The following RABGEF1 variants were observed in gnomAD, a reference collection of about 807,000 sequenced individuals.
RABGEF1 encodes RAB guanine nucleotide exchange factor 1.
RABGEF1 carries 26 observed loss-of-function variants against 57.3 expected under a neutral mutation model. That is an observed-to-expected ratio of 0.45 (90% CI 0.33 to 0.63). RABGEF1 has a LOEUF of 0.63. Ranked by LOEUF, RABGEF1 falls within the 20% of genes least tolerant of loss-of-function variation. RABGEF1 has a pLI of 0.02. For missense variants in RABGEF1, 464 were observed against 607.6 expected (o/e 0.76, Z 2.48); for synonymous variants, 185 against 210.7 (o/e 0.88, Z 1.06).
chr7:66,773,908 C>T lies in RABGEF1; in HGVS notation c.180-1319C>T, dbSNP rs538014215. The T allele has an allele frequency of 1.1e-3, 465 of 413,788 alleles. 4 individuals carry two copies. The highest frequency in any genetic ancestry group is 5.4e-4 in the Non-Finnish European group (113 of 207,630). 25.6% of individuals were successfully genotyped at this position (413,788 alleles called of 1,614,324 possible). ...CTCAAATTCCTGAGCTCAAGTGATC[C>T]GGCCGCCTTGGCCTCCCAGTGTGCT... On this transcript the variant is annotated intron_variant, in intron 2 of 8. Coordinates refer to ENST00000284957, the MANE Select transcript of RABGEF1 (RefSeq NM_014504.3).
At chr7:66,688,924 T>C (rs950418207) in intron 1 of RABGEF1, among the ~76,000 whole-genome samples, 15 of 152,078 alleles carry the variant, frequency 9.9e-5, no homozygotes, top group East Asian at 5.8e-4. Context: ...AAAAGCCCAT[T>C]GCTACTAAAA....
At chr7:66,721,927 G>A (rs1318059456) in intron 2 of RABGEF1, among the ~76,000 whole-genome samples, 1 of 152,070 alleles carries the variant, frequency 6.6e-6, no homozygotes, top group Non-Finnish European at 1.5e-5. Flanking sequence ...GAGGTGGGAG[G>A]ATCACTTTGA....
At chr7:66,687,726 A>G (rs1398193900) in intron 1 of RABGEF1, among the ~76,000 whole-genome samples, 1 of 152,200 alleles carries the variant, frequency 6.6e-6, no homozygotes, top group Non-Finnish European at 1.5e-5. Flanking sequence ...ATACAGACTT[A>G]CTTTAGATAC....
chr7:66,689,654 A>G (rs1791218025), intron 1 of RABGEF1, among the ~76,000 whole-genome samples: 1 of 152,074 alleles, frequency 6.6e-6, no homozygotes, highest in Non-Finnish European at 1.5e-5. Flanking sequence ...AATGTAAAAA[A>G]TAGTTGGGCA....
intron 2 of RABGEF1, among the ~76,000 whole-genome samples, chr7:66,774,547 G>T (rs1046761301): frequency 5.9e-5 from 9 of 152,172 alleles, no homozygotes; most frequent in Non-Finnish European, 1.2e-4. Flanking sequence ...CAAACCACAG[G>T]CTTGCACATT....
chr7:66,688,680 A>C (rs944565115), intron 1 of RABGEF1, among the ~76,000 whole-genome samples: 2 of 152,262 alleles, frequency 1.3e-5, no homozygotes, highest in African/African-American at 2.4e-5. Flanking sequence ...AGATGAAATC[A>C]TACAGGAAAT....
At chr7:66,668,361 C>T in the RABGEF1 span, among the ~76,000 whole-genome samples, 4 of 152,194 alleles carry the variant, frequency 2.6e-5, no homozygotes, top group African/African-American at 7.2e-5. Flanking sequence ...CCTCCGAAAG[C>T]GTTGGGATTA....
intron 6 of RABGEF1, 88 bp downstream of exon 6, chr7:66,797,594 C>A: frequency 7.0e-7 from 1 of 1,418,452 alleles, no homozygotes; most frequent in Non-Finnish European, 9.6e-7. Context: ...GTGTTTCAAA[C>A]CTTAAGGGAA....
chr7:66,744,614 G>A (rs1478200521), intron 1 of RABGEF1, among the ~76,000 whole-genome samples: 1 of 147,946 alleles, frequency 6.8e-6, no homozygotes, highest in African/African-American at 2.5e-5. Flanking sequence ...CTTGCAGTGA[G>A]CCGAGATGGC....
At chr7:66,711,747 C>T (rs1465735320) in intron 1 of RABGEF1, among the ~76,000 whole-genome samples, 8 of 151,978 alleles carry the variant, frequency 5.3e-5, no homozygotes, top group East Asian at 1.9e-4. Flanking sequence ...ACACCATGCC[C>T]GGCTAATTTT....
intron 1 of RABGEF1, chr7:66,768,990 T>C: frequency 6.6e-6 from 1 of 152,114 alleles, no homozygotes; most frequent in Non-Finnish European, 1.5e-5. Flanking sequence ...AAGCACACGA[T>C]TGCTGGGCAC....
the RABGEF1 span, among the ~76,000 whole-genome samples, chr7:66,670,922 C>CACACAT: frequency 6.6e-6 from 1 of 151,710 alleles, no homozygotes; most frequent in African/African-American, 2.4e-5. Context: ...CACACACACA[C>CACACAT]ACATATGTGC....
At chr7:66,775,512 T>G in intron 3 of RABGEF1, 119 bp downstream of exon 3, 1 of 1,221,478 alleles carries the variant, frequency 8.2e-7, no homozygotes, top group Non-Finnish European at 1.1e-6. Context: ...TCAGCTCAGA[T>G]TTGACACTGA....
At chr7:66,732,504 A>G (rs979007207) in intron 2 of RABGEF1, among the ~76,000 whole-genome samples, 9 of 151,918 alleles carry the variant, frequency 5.9e-5, no homozygotes, top group Non-Finnish European at 1.3e-4. Context: ...ATACCCAAGT[A>G]TCTCCCACTG....
chr7:66,752,185 CTG>C (rs1280868042), intron 1 of RABGEF1, among the ~76,000 whole-genome samples: 1 of 150,338 alleles, frequency 6.7e-6, no homozygotes, highest in Non-Finnish European at 1.5e-5. Context: ...GTGACAGACT[CTG>C]TCCCAATTAA....
intron 4 of RABGEF1, among the ~76,000 whole-genome samples, chr7:66,794,605 G>A (rs927830181): frequency 6.6e-6 from 1 of 152,184 alleles, no homozygotes; most frequent in African/African-American, 2.4e-5. Context: ...GGGCCATAGG[G>A]AAGTAAGTGC....
intron 1 of RABGEF1, among the ~76,000 whole-genome samples, chr7:66,757,105 A>G (rs1802913298): frequency 6.6e-6 from 1 of 152,230 alleles, no homozygotes; most frequent in South Asian, 2.1e-4. Context: ...ATTTGTAGTA[A>G]ACTTACACAT....
chr7:66,773,476 T>A (rs769861677), intron 2 of RABGEF1, among the ~76,000 whole-genome samples: 2 of 152,220 alleles, frequency 1.3e-5, no homozygotes, highest in Non-Finnish European at 2.9e-5. Context: ...ATTGTGACCC[T>A]GCTAAATCTC....
intron 1 of RABGEF1, among the ~76,000 whole-genome samples, chr7:66,767,000 CTTTTTTTT>C (rs34123866): frequency 9.7e-6 from 1 of 102,600 alleles, no homozygotes; most frequent in South Asian, 3.4e-4. Flanking sequence ...TGTCAAGTTT[CTTTTTTTT>C]TTTTTTTTTT....
Sources: gnomAD v4.1 joint callset for allele counts (sites outside exome capture counted in the v4.1 genomes callset) on GRCh38, gnomAD v4.1.1 for gene constraint, MANE v1.5 for transcripts, NCBI Gene and HGNC (gene_info 2026-07-23, HGNC 2026-07-21) for gene names.